GLIS1: variants seen among roughly 807,000 people sequenced by gnomAD.
The protein encoded by GLIS1 is zinc finger protein GLIS1.
GLIS1 carries 24 observed loss-of-function variants against 63.8 expected under a neutral mutation model. That is an observed-to-expected ratio of 0.38 (90% CI 0.27 to 0.53). GLIS1 has a LOEUF of 0.53. Ranked by LOEUF, GLIS1 falls within the 20% of genes least tolerant of loss-of-function variation. GLIS1 has a pLI of 0.85. For synonymous variants in GLIS1, 450 were observed against 482.5 expected (o/e 0.93, Z 0.88); for missense variants, 1,036 against 1,074.1 (o/e 0.96, Z 0.50).
Position 53,624,862 on chromosome 1 carries a change from A to C in GLIS1, c.260-24584T>G, listed in dbSNP as rs143135286. On this transcript the variant is annotated intron_variant, in intron 2 of 10. Coordinates refer to ENST00000628545, the MANE Select transcript of GLIS1 (RefSeq NM_001367484.1). ...CTCATAACTTAATAATAAAATGATA[A>C]ACAACCCAATTTAAAAATGGACAAA... Among the ~76,000 whole-genome samples the C allele has an allele frequency of 2.4e-4, 36 of 152,346 alleles. No homozygotes were observed. In the East Asian group the frequency reaches 6.9e-3, roughly 29 times the overall value.
chr1:53,661,946 C>A (rs1273962297), intron 2 of GLIS1, among the ~76,000 whole-genome samples: 1 of 152,156 alleles, frequency 6.6e-6, no homozygotes, highest in Non-Finnish European at 1.5e-5. Flanking sequence ...GAGCTAGGAC[C>A]AGTGCAGGGA....
chr1:53,676,665 C>T (rs1646215962), intron 2 of GLIS1, among the ~76,000 whole-genome samples: 2 of 152,172 alleles, frequency 1.3e-5, no homozygotes, highest in Non-Finnish European at 2.9e-5. Flanking sequence ...CAGGCTGAAA[C>T]AGGCAAGGCA....
At chr1:53,667,813 T>C (rs1389170121) in intron 2 of GLIS1, among the ~76,000 whole-genome samples, 1 of 152,230 alleles carries the variant, frequency 6.6e-6, no homozygotes, top group East Asian at 1.9e-4. Flanking sequence ...AATGAGTGCG[T>C]AGACCTCATG....
At chr1:53,726,813 T>A (rs898119652) in intron 2 of GLIS1, among the ~76,000 whole-genome samples, 1 of 152,168 alleles carries the variant, frequency 6.6e-6, no homozygotes, top group Non-Finnish European at 1.5e-5. Flanking sequence ...AAGTCCTTAT[T>A]CTTGTAATTA....
At chr1:53,689,459 T>C (rs938585865) in intron 2 of GLIS1, among the ~76,000 whole-genome samples, 5 of 151,980 alleles carry the variant, frequency 3.3e-5, no homozygotes, top group Admixed American at 3.3e-4. Flanking sequence ...TTGAGTCCCG[T>C]GTATCTTCCC....
chr1:53,577,131 C>A (rs1645039697), intron 4 of GLIS1, among the ~76,000 whole-genome samples: 1 of 150,748 alleles, frequency 6.6e-6, no homozygotes, highest in Admixed American at 6.6e-5. Flanking sequence ...CCTCCAGCCT[C>A]CCCCCCCTCC....
At chr1:53,719,489 C>A (rs1192574771) in intron 2 of GLIS1, among the ~76,000 whole-genome samples, 1 of 152,190 alleles carries the variant, frequency 6.6e-6, no homozygotes, top group African/African-American at 2.4e-5. Context: ...AGTTTACACA[C>A]CTGAAGTCCT....
intron 2 of GLIS1, among the ~76,000 whole-genome samples, chr1:53,656,468 A>G (rs959026878): frequency 2.0e-5 from 3 of 152,242 alleles, no homozygotes; most frequent in Non-Finnish European, 4.4e-5. Flanking sequence ...AATCTGTGAG[A>G]AAATTCAATT....
At chr1:53,738,156 G>GGACAA in intron 1 of GLIS1, 50 bp from the exon 2 acceptor site, 1 of 1,113,190 alleles carries the variant, frequency 9.0e-7, no homozygotes, top group Non-Finnish European at 1.1e-6. Context: ...AGCGGCCCCC[G>GGACAA]TATTGTCCCG....
chr1:53,666,782 G>A (rs755084662), intron 2 of GLIS1, among the ~76,000 whole-genome samples: 1 of 148,010 alleles, frequency 6.8e-6, no homozygotes, highest in Non-Finnish European at 1.5e-5. Flanking sequence ...TGTGGGCCAG[G>A]CTGGGGAGCC....
chr1:53,626,097 C>T (rs929496144), intron 2 of GLIS1, among the ~76,000 whole-genome samples: 2 of 152,200 alleles, frequency 1.3e-5, no homozygotes, highest in East Asian at 1.9e-4. Context: ...GAGTGAGGGC[C>T]GCTCTTAGGA....
intron 4 of GLIS1, among the ~76,000 whole-genome samples, chr1:53,553,614 G>T: frequency 6.6e-6 from 1 of 152,208 alleles, no homozygotes; most frequent in South Asian, 2.1e-4. Context: ...AGGAAAAAAC[G>T]CCTGACCTTG....
intron 2 of GLIS1, among the ~76,000 whole-genome samples, chr1:53,619,162 C>G (rs996902969): frequency 6.6e-5 from 10 of 152,220 alleles, no homozygotes; most frequent in African/African-American, 2.4e-4. Flanking sequence ...CCTGGTCTGG[C>G]CTGGTTGCCG....
intron 3 of GLIS1, among the ~76,000 whole-genome samples, chr1:53,597,679 C>A (rs569482103): frequency 1.8e-4 from 27 of 152,108 alleles, no homozygotes; most frequent in Admixed American, 1.5e-3. Flanking sequence ...GGGGAAGGCA[C>A]GGAATTCAGA....
chr1:53,691,096 C>A (rs972780312), intron 2 of GLIS1, among the ~76,000 whole-genome samples: 2 of 152,190 alleles, frequency 1.3e-5, no homozygotes, highest in African/African-American at 4.8e-5. Flanking sequence ...TGGCTCATGC[C>A]TATAATCCCA....
At chr1:53,719,883 G>A (rs1045100176) in intron 2 of GLIS1, among the ~76,000 whole-genome samples, 3 of 152,260 alleles carry the variant, frequency 2.0e-5, no homozygotes, top group Middle Eastern at 3.4e-3. Flanking sequence ...GTATATCAAA[G>A]GGGTATCTGA....
At chr1:53,556,269 GGTGT>G (rs141155406) in intron 4 of GLIS1, among the ~76,000 whole-genome samples, 1 of 82,278 alleles carries the variant, frequency 1.2e-5, no homozygotes, top group Non-Finnish European at 2.2e-5. Context: ...GTGTACTGCA[GGTGT>G]GTGTGTGTGC....
chr1:53,695,591 C>T (rs1328045487), intron 2 of GLIS1, among the ~76,000 whole-genome samples: 1 of 152,204 alleles, frequency 6.6e-6, no homozygotes, highest in Non-Finnish European at 1.5e-5. Context: ...CTCAGCCCGA[C>T]CCTGGGCCTC....
At chr1:53,722,644 C>T (rs1012686201) in intron 2 of GLIS1, among the ~76,000 whole-genome samples, 1 of 152,072 alleles carries the variant, frequency 6.6e-6, no homozygotes, top group Admixed American at 6.6e-5. Context: ...AATTCAAGAC[C>T]AGCCTGGCCA....
Sources: gnomAD v4.1 joint callset for allele counts (sites outside exome capture counted in the v4.1 genomes callset) on GRCh38, gnomAD v4.1.1 for gene constraint, MANE v1.5 for transcripts, NCBI Gene and HGNC (gene_info 2026-07-23, HGNC 2026-07-21) for gene names.